Variants in RAB7A observed in about 807,000 individuals in gnomAD.
RAB7A encodes RAB7A, member RAS oncogene family, also known as ras-related protein Rab-7a.
A neutral mutation model predicts 24.5 loss-of-function variants in RAB7A; 2 were observed. The ratio of observed to expected loss-of-function variants is 0.08; its 90% CI spans 0.03 to 0.26. The LOEUF is 0.26. RAB7A is among the 10% of genes least tolerant of loss of function. The pLI, the probability that RAB7A is intolerant of heterozygous loss-of-function variation, is 1.00. For missense variants in RAB7A, 118 were observed against 255.7 expected (o/e 0.46, Z 3.67); for synonymous variants, 100 against 95.9 (o/e 1.04, Z -0.25).
chr3:128,768,995 T>TTTTA (rs1553719524), intron 1 of RAB7A, among the ~76,000 whole-genome samples: 2 of 122,798 alleles, frequency 1.6e-5, no homozygotes, highest in African/African-American at 6.2e-5. Context: ...TTTTTTTTTT[T>TTTTA]AAGGAAACAG....
chr3:128,749,203 C>A (rs933211566), intron 1 of RAB7A: 1 of 152,248 alleles, frequency 6.6e-6, no homozygotes, highest in Non-Finnish European at 1.5e-5. Flanking sequence ...TGTGGCCATA[C>A]TCTAGGATGT....
chr3:128,780,104 T>C (rs1017399619), intron 1 of RAB7A, among the ~76,000 whole-genome samples: 2 of 152,206 alleles, frequency 1.3e-5, no homozygotes, highest in African/African-American at 4.8e-5. Flanking sequence ...GGGTCTGATA[T>C]ACATCTTAAG....
At chr3:128,804,117 C>T (rs564100218) in intron 3 of RAB7A, among the ~76,000 whole-genome samples, 2 of 150,726 alleles carry the variant, frequency 1.3e-5, no homozygotes, top group African/African-American at 4.9e-5. Context: ...TCCCTGGGCC[C>T]CCCCCCGCCC....
intron 2 of RAB7A, 84 bp downstream of exon 2, chr3:128,795,504 C>T (rs1933546820): frequency 1.5e-6 from 2 of 1,309,280 alleles, no homozygotes; most frequent in Non-Finnish European, 2.2e-6. Flanking sequence ...CGTGCTGCCA[C>T]TTCTTGCTTT....
intron 1 of RAB7A, among the ~76,000 whole-genome samples, chr3:128,743,267 G>A (rs1250033945): frequency 6.6e-6 from 1 of 152,216 alleles, no homozygotes; most frequent in Non-Finnish European, 1.5e-5. Flanking sequence ...TGGTCCGCGA[G>A]TGCCGCGCGC....
chr3:128,813,831 T>A lies in RAB7A; in HGVS notation c.*409T>A, dbSNP rs993199298. 36 of 283,604 alleles carry A rather than the reference T, an allele frequency of 1.3e-4. No homozygotes were observed. In the Middle Eastern group the frequency reaches 2.6e-3, roughly 20 times the overall value. 17.6% of individuals were successfully genotyped at this position (283,604 alleles called of 1,614,324 possible). ...CTGTGTCTAATTATCTGATTTTTTT[T>A]ATTGGTCTTGTGGTCTTTTTACCCC... is the stretch of plus-strand genomic sequence containing the variant. On this transcript the variant is annotated 3_prime_UTR_variant, in exon 6 of 6. Coordinates refer to ENST00000265062, the MANE Select transcript of RAB7A (RefSeq NM_004637.6).
At chr3:128,744,256 G>T (rs1223966019) in intron 1 of RAB7A, among the ~76,000 whole-genome samples, 3 of 152,056 alleles carry the variant, frequency 2.0e-5, no homozygotes, top group African/African-American at 4.8e-5. Context: ...GTCTCAAAAA[G>T]ATAGAAACTA....
intron 1 of RAB7A, among the ~76,000 whole-genome samples, chr3:128,754,451 G>T (rs1386563111): frequency 6.6e-6 from 1 of 152,164 alleles, no homozygotes; most frequent in Non-Finnish European, 1.5e-5. Flanking sequence ...GGATTAAAAT[G>T]TTTTTCTACA....
chr3:128,799,939 A>G (rs113265738), intron 3 of RAB7A, among the ~76,000 whole-genome samples: 1,823 of 152,326 alleles, frequency 0.012, 33 homozygotes, highest in African/African-American at 0.039. Flanking sequence ...AGATGTTCAC[A>G]ATGACTAGAG....
intron 1 of RAB7A, among the ~76,000 whole-genome samples, chr3:128,755,557 C>G (rs2070722629): frequency 6.6e-6 from 1 of 152,096 alleles, no homozygotes. Flanking sequence ...TTGGAAAAGA[C>G]TAACAAAATT....
chr3:128,766,463 CTT>C (rs1304330491), intron 1 of RAB7A, among the ~76,000 whole-genome samples: 21 of 152,126 alleles, frequency 1.4e-4, no homozygotes, highest in Non-Finnish European at 2.8e-4. Flanking sequence ...TTGTATGGTT[CTT>C]TTCTGGGATC....
intron 1 of RAB7A, among the ~76,000 whole-genome samples, chr3:128,727,476 GTCTT>G (rs1444240931): frequency 2.0e-5 from 3 of 152,198 alleles, no homozygotes; most frequent in Non-Finnish European, 2.9e-5. Context: ...TCATTTGAAA[GTCTT>G]TCTGGTAGCA....
intron 1 of RAB7A, among the ~76,000 whole-genome samples, chr3:128,772,930 C>T (rs890748277): frequency 2.0e-5 from 3 of 152,190 alleles, no homozygotes; most frequent in Non-Finnish European, 4.4e-5. Flanking sequence ...GGCGTGATCT[C>T]GGCTCGCTAC....
intron 1 of RAB7A, among the ~76,000 whole-genome samples, chr3:128,743,148 C>T (rs2070571944): frequency 6.6e-6 from 1 of 152,226 alleles, no homozygotes; most frequent in Admixed American, 6.5e-5. Context: ...GTGCCCCCTC[C>T]ACATCTGCTG....
At chr3:128,802,277 A>G (rs551938824) in intron 3 of RAB7A, among the ~76,000 whole-genome samples, 3 of 152,162 alleles carry the variant, frequency 2.0e-5, no homozygotes, top group Non-Finnish European at 2.9e-5. Context: ...AAAGTTCTCT[A>G]TACTGTTCAG....
At chr3:128,804,856 TA>T (rs1195254902) in intron 3 of RAB7A, among the ~76,000 whole-genome samples, 3 of 152,192 alleles carry the variant, frequency 2.0e-5, no homozygotes, top group Non-Finnish European at 4.4e-5. Context: ...AATATTTTCT[TA>T]AAAATAGGAA....
At chr3:128,763,208 A>ATATATATATATATATTT (rs373993932) in intron 1 of RAB7A, among the ~76,000 whole-genome samples, 1 of 76,058 alleles carries the variant, frequency 1.3e-5, no homozygotes, top group African/African-American at 8.2e-5. Flanking sequence ...ATATATATAT[A>ATATATATATATATATTT]TTTTTTTTTT....
intron 4 of RAB7A, 21 bp from the exon 5 acceptor site, chr3:128,807,522 G>A (rs751870504): frequency 1.2e-6 from 2 of 1,613,646 alleles, no homozygotes; most frequent in Non-Finnish European, 1.7e-6. Context: ...GAGCCTATGT[G>A]CACCCTGCTT....
chr3:128,784,388 C>G (rs1933293127), intron 1 of RAB7A, among the ~76,000 whole-genome samples: 1 of 152,152 alleles, frequency 6.6e-6, no homozygotes, highest in Non-Finnish European at 1.5e-5. Context: ...TTACTTTCTC[C>G]CCATTCTCTT....
Sources: gnomAD v4.1 joint callset for allele counts (sites outside exome capture counted in the v4.1 genomes callset) on GRCh38, gnomAD v4.1.1 for gene constraint, MANE v1.5 for transcripts, NCBI Gene and HGNC (gene_info 2026-07-23, HGNC 2026-07-21) for gene names.